NAALADL2: variants seen among roughly 807,000 people sequenced by gnomAD.
The protein encoded by NAALADL2 is N-acetylated alpha-linked acidic dipeptidase like 2, also known as inactive N-acetylated-alpha-linked acidic dipeptidase-like protein 2.
NAALADL2 carries 76 observed loss-of-function variants against 87.2 expected under a neutral mutation model. The ratio of observed to expected loss-of-function variants is 0.87; its 90% CI spans 0.72 to 1.05. NAALADL2 has a LOEUF of 1.05. Among genes scored for constraint, NAALADL2 ranks in the 50% least tolerant of loss-of-function variants. The pLI is 0.00. For synonymous variants in NAALADL2, 354 were observed against 331.0 expected (o/e 1.07, Z -0.75); for missense variants, 1,089 against 945.8 (o/e 1.15, Z -1.99).
chr3:174,592,230 G>T (rs1331748013), intron 2 of NAALADL2, among the ~76,000 whole-genome samples: 1 of 139,774 alleles, frequency 7.2e-6, no homozygotes, highest in Admixed American at 7.4e-5. Context: ...ATTTATTTTT[G>T]AAACAATTTT....
chr3:174,671,246 A>C (rs899472023), intron 2 of NAALADL2, among the ~76,000 whole-genome samples: 11 of 152,162 alleles, frequency 7.2e-5, no homozygotes, highest in Non-Finnish European at 2.9e-5. Context: ...TAATGAAGGG[A>C]ATTTCCACAC....
intron 9 of NAALADL2, among the ~76,000 whole-genome samples, chr3:175,507,000 A>G (rs891462747): frequency 6.6e-6 from 1 of 152,008 alleles, no homozygotes; most frequent in African/African-American, 2.4e-5. Context: ...TACATCTGCT[A>G]TCAGCCCCTC....
At chr3:175,463,549 T>A in intron 7 of NAALADL2, 56 bp downstream of exon 7, 1 of 931,718 alleles carries the variant, frequency 1.1e-6, no homozygotes, top group Non-Finnish European at 1.6e-6. Flanking sequence ...TACAAGGAAA[T>A]GCTCTGTAAT....
intron 2 of NAALADL2, among the ~76,000 whole-genome samples, chr3:175,123,635 G>C (rs1189695906): frequency 6.6e-6 from 1 of 151,834 alleles, no homozygotes; most frequent in Non-Finnish European, 1.5e-5. Context: ...CTTTCCATGT[G>C]TTCTTAGCTT....
rs898621802 is a variant in NAALADL2, at chr3:175,572,420, A to T, written c.1654-3621A>T. 4.3e-3 allele frequency among the ~76,000 whole-genome samples: 659 copies of T among 152,238 alleles called. 3 individuals are homozygous for T. Among genetic ancestry groups the T allele is most frequent in the African/African-American group, 0.013 (556 of 41,540 alleles). ...CTTAGTTGGTTTACCAAAAAAAAAA[A>T]AAAAAAGTTTTTATATGGCAGAGGC... On this transcript the variant is annotated intron_variant, in intron 9 of 13. Transcript: ENST00000454872.
chr3:174,702,971 T>G (rs997272107), intron 2 of NAALADL2, among the ~76,000 whole-genome samples: 1 of 152,154 alleles, frequency 6.6e-6, no homozygotes, highest in Non-Finnish European at 1.5e-5. Context: ...ACACTGCTCT[T>G]GGGAAAGAAA....
chr3:174,676,406 G>T (rs1412058582), intron 2 of NAALADL2, among the ~76,000 whole-genome samples: 3 of 110,882 alleles, frequency 2.7e-5, no homozygotes, highest in Non-Finnish European at 5.0e-5. Flanking sequence ...TATTCTATGT[G>T]AGCTTTATAT....
chr3:175,226,100 A>G (rs1400494920), intron 2 of NAALADL2, among the ~76,000 whole-genome samples: 1 of 152,156 alleles, frequency 6.6e-6, no homozygotes, highest in Non-Finnish European at 1.5e-5. Context: ...GGACTTAAGT[A>G]GAGGGCACTG....
chr3:174,465,071 A>G (rs1359096323), intron 1 of NAALADL2, among the ~76,000 whole-genome samples: 1 of 152,128 alleles, frequency 6.6e-6, no homozygotes, highest in Non-Finnish European at 1.5e-5. Context: ...AGTATATGTA[A>G]TGTGAATATT....
intron 1 of NAALADL2, among the ~76,000 whole-genome samples, chr3:174,929,839 A>C (rs1170143257): frequency 1.3e-5 from 2 of 152,152 alleles, no homozygotes; most frequent in East Asian, 3.9e-4. Context: ...CTTAATTAAC[A>C]TTTCTATAAG....
At chr3:175,189,261 A>G (rs1331990978) in intron 2 of NAALADL2, among the ~76,000 whole-genome samples, 3 of 152,216 alleles carry the variant, frequency 2.0e-5, no homozygotes, top group South Asian at 2.1e-4. Context: ...AGAGAAAATA[A>G]TCTTCAAGTA....
At chr3:174,659,863 A>G (rs1725347471) in intron 2 of NAALADL2, among the ~76,000 whole-genome samples, 1 of 151,878 alleles carries the variant, frequency 6.6e-6, no homozygotes, top group South Asian at 2.1e-4. Context: ...GAAGCTTCCC[A>G]CTGCAGTTAG....
chr3:175,001,743 A>G (rs1412176981), intron 1 of NAALADL2, among the ~76,000 whole-genome samples: 2 of 152,174 alleles, frequency 1.3e-5, no homozygotes, highest in East Asian at 3.9e-4. Context: ...ATGCTCAGCA[A>G]TTTATTTTCA....
intron 1 of NAALADL2, among the ~76,000 whole-genome samples, chr3:175,056,933 T>G (rs1199773257): frequency 6.6e-6 from 1 of 152,242 alleles, no homozygotes; most frequent in Admixed American, 6.5e-5. Flanking sequence ...ATGGCCATCA[T>G]GTACATGTCA....
rs76199597 is a variant in NAALADL2 at position 175,709,352 on chromosome 3, A to G, written c.1897-27954A>G. Among the ~76,000 whole-genome samples the G allele has an allele frequency of 9.8e-3, 1,493 of 152,258 alleles. 10 individuals are homozygous for G. The highest frequency in any genetic ancestry group is 0.017 in the Non-Finnish European group (1,139 of 68,012). On this transcript the variant is annotated intron_variant, in intron 11 of 13. Transcript: ENST00000454872. The stretch of plus-strand genomic sequence containing the variant: ...TCTTTACATACAGCAAAACATATTT[A>G]TAAATGATATTTCCAGAATACTCCA...
intron 2 of NAALADL2, among the ~76,000 whole-genome samples, chr3:174,690,581 A>C (rs1357766438): frequency 6.6e-6 from 1 of 152,174 alleles, no homozygotes; most frequent in East Asian, 1.9e-4. Context: ...TCTGCTGAAA[A>C]ATACCCCCAG....
chr3:175,791,911 C>CAAAAA (rs201243200), intron 13 of NAALADL2, among the ~76,000 whole-genome samples: 1 of 127,970 alleles, frequency 7.8e-6, no homozygotes, highest in Non-Finnish European at 1.7e-5. Context: ...GTTCCCAAAG[C>CAAAAA]AAAAAAAAAA....
intron 1 of NAALADL2, among the ~76,000 whole-genome samples, chr3:174,885,831 C>T (rs753505512): frequency 6.4e-5 from 9 of 140,918 alleles, no homozygotes; most frequent in Non-Finnish European, 1.1e-4. Flanking sequence ...CACAAGTTCC[C>T]ACAATAGGCC....
At chr3:174,622,759 G>A (rs535914965) in intron 2 of NAALADL2, among the ~76,000 whole-genome samples, 49 of 152,238 alleles carry the variant, frequency 3.2e-4, no homozygotes, top group African/African-American at 1.2e-3. Context: ...AGAGGAATCG[G>A]GCCGGGCGCG....
Sources: allele counts gnomAD v4.1 joint callset (sites outside exome capture counted in the v4.1 genomes callset), GRCh38; gene constraint gnomAD v4.1.1; transcripts MANE v1.5; gene names NCBI Gene and HGNC (gene_info 2026-07-23, HGNC 2026-07-21).